PDE1A: variants seen among roughly 807,000 people sequenced by gnomAD.
PDE1A encodes dual specificity calcium/calmodulin-dependent 3',5'-cyclic nucleotide phosphodiesterase 1A.
PDE1A carries 35 observed loss-of-function variants against 61.7 expected under a neutral mutation model. The observed-to-expected ratio is 0.57, with a 90% CI of 0.43 to 0.75. The LOEUF is 0.75. Among genes scored for constraint, PDE1A ranks in the 30% least tolerant of loss-of-function variants. PDE1A has a pLI of 0.00. For synonymous variants in PDE1A, 232 were observed against 213.2 expected (o/e 1.09, Z -0.77); for missense variants, 597 against 630.6 (o/e 0.95, Z 0.57).
chr2:182,308,761 C>T (rs911825064), intron 1 of PDE1A, among the ~76,000 whole-genome samples: 3 of 151,930 alleles, frequency 2.0e-5, no homozygotes, highest in Non-Finnish European at 4.4e-5. Flanking sequence ...AATCCAAATA[C>T]TTTTTTATAT....
chr2:182,346,451 G>T (rs1037241989), intron 1 of PDE1A, among the ~76,000 whole-genome samples: 4 of 152,092 alleles, frequency 2.6e-5, no homozygotes, highest in African/African-American at 9.7e-5. Flanking sequence ...TAGAGAAGAT[G>T]AAGACAATAT....
chr2:182,257,479 C>T (rs1263964526), intron 2 of PDE1A, among the ~76,000 whole-genome samples: 2 of 152,140 alleles, frequency 1.3e-5, no homozygotes, highest in Non-Finnish European at 2.9e-5. Context: ...AGTAAGGGCT[C>T]TCCTTTGGCA....
intron 1 of PDE1A, among the ~76,000 whole-genome samples, chr2:182,411,775 T>G (rs1478725399): frequency 6.6e-6 from 1 of 152,082 alleles, no homozygotes; most frequent in Non-Finnish European, 1.5e-5. Context: ...CATCTTACAA[T>G]GAACAAAATG....
At chr2:182,411,890 TCTA>T (rs1219231641) in intron 1 of PDE1A, among the ~76,000 whole-genome samples, 2 of 151,958 alleles carry the variant, frequency 1.3e-5, no homozygotes, top group Non-Finnish European at 2.9e-5. Context: ...AAACCCCGTC[TCTA>T]CTAAAAATAC....
At chr2:182,476,825 T>TA in intron 2 of PDE1A, among the ~76,000 whole-genome samples, 1 of 149,666 alleles carries the variant, frequency 6.7e-6, no homozygotes, top group Non-Finnish European at 1.5e-5. Context: ...AAAAGACCAA[T>TA]AATAAAAGTG....
chr2:182,186,051 C>T (rs764692634), exon 13 of PDE1A: 20 of 1,613,884 alleles, frequency 1.2e-5, no homozygotes, highest in Non-Finnish European at 1.6e-5. Context: ...AGTGCATCAG[C>T]AATGTGTAAC....
the PDE1A span, among the ~76,000 whole-genome samples, chr2:182,620,278 G>T: frequency 1.3e-5 from 2 of 152,248 alleles, no homozygotes; most frequent in Non-Finnish European, 2.9e-5. Flanking sequence ...TCAGTTATTT[G>T]ATTTGTAAAG....
chr2:182,210,058 G>C (rs1407105307), intron 7 of PDE1A, among the ~76,000 whole-genome samples: 1 of 152,180 alleles, frequency 6.6e-6, no homozygotes, highest in Non-Finnish European at 1.5e-5. Flanking sequence ...AGGACATCTT[G>C]CTGGCTTCCA....
rs1010854018 is a variant in PDE1A, at chr2:182,449,108, C to G, written c.101+73168G>C. Among the ~76,000 whole-genome samples the G allele has an allele frequency of 2.0e-5, 3 of 146,816 alleles. No homozygotes were observed. In the South Asian group the frequency reaches 6.7e-4, roughly 33 times the overall value. ...CACAAACAAAACCCAGGAAATCCTTCTAAATCTTCTTAGGATAGTCTTGTC... is the reference window on the plus strand; with the variant it reads ...CACAAACAAAACCCAGGAAATCCTTGTAAATCTTCTTAGGATAGTCTTGTC... On this transcript the variant is annotated intron_variant, in intron 2 of 14. Coordinates refer to the PDE1A transcript ENST00000410103.
rs11420821 is a variant in PDE1A at position 182,295,057 on chromosome 2, C to CTTTTTTT, written c.54-30650_54-30644dup. Among the ~76,000 whole-genome samples the CTTTTTTT allele has an allele frequency of 1.7e-3, 99 of 59,368 alleles. 27 individuals are homozygous for CTTTTTTT. Among genetic ancestry groups the CTTTTTTT allele is most frequent in the South Asian group, 4.2e-3 (5 of 1,178 alleles). 38.9% of individuals were successfully genotyped at this position (59,368 alleles called of 152,430 possible). On this transcript the variant is annotated intron_variant, in intron 1 of 13. Transcript: ENST00000351439. The stretch of plus-strand genomic sequence containing the variant: ...ACGACCAATCAAAATAAAAGGTAAT[C>CTTTTTTT]TTTTTTTTTTTTTTTTTTTTTTTTT...
the PDE1A span, among the ~76,000 whole-genome samples, chr2:182,624,255 C>G: frequency 6.6e-6 from 1 of 152,006 alleles, no homozygotes; most frequent in Non-Finnish European, 1.5e-5. Flanking sequence ...ATTTAAAATA[C>G]GTAATAAGCC....
upstream of PDE1A, among the ~76,000 whole-genome samples, chr2:182,429,247 A>C (rs1703795270): frequency 6.6e-6 from 1 of 152,124 alleles, no homozygotes; most frequent in African/African-American, 2.4e-5. Flanking sequence ...AAGAACATTT[A>C]AATTTAACAT....
At chr2:182,340,792 T>C (rs1427837300) in intron 1 of PDE1A, among the ~76,000 whole-genome samples, 8 of 152,232 alleles carry the variant, frequency 5.3e-5, no homozygotes, top group Non-Finnish European at 7.3e-5. Context: ...GGATATATTG[T>C]AGAGAATTTC....
At chr2:182,298,421 A>C (rs833142) in intron 1 of PDE1A, among the ~76,000 whole-genome samples, 90,529 of 151,918 alleles carry the variant, frequency 0.6, 27,190 homozygotes, top group Middle Eastern at 0.73. Flanking sequence ...AGGCTAAAAC[A>C]GAACCAGTAA....
At chr2:182,246,401 C>CTTTTTTTTTTTTTTTTTTTTTTTTTTT (rs761118177) in intron 2 of PDE1A, among the ~76,000 whole-genome samples, 1 of 61,514 alleles carries the variant, frequency 1.6e-5, no homozygotes, top group Non-Finnish European at 2.9e-5. Flanking sequence ...TTTCTTTTTT[C>CTTTTTTTTTTTTTTTTTTTTTTTTTTT]TTTCTTTTTT....
chr2:182,224,492 C>T (rs534631155), intron 6 of PDE1A, among the ~76,000 whole-genome samples: 13 of 151,836 alleles, frequency 8.6e-5, no homozygotes, highest in African/African-American at 2.7e-4. Flanking sequence ...CTATTCATAA[C>T]ACATAAAAAT....
chr2:182,242,867 CCT>C (rs1385150808), intron 2 of PDE1A, among the ~76,000 whole-genome samples: 3 of 149,956 alleles, frequency 2.0e-5, no homozygotes, highest in African/African-American at 7.4e-5. Flanking sequence ...CTCTCTCTCT[CCT>C]CTCTCCTCTC....
intron 1 of PDE1A, among the ~76,000 whole-genome samples, chr2:182,333,520 C>G (rs113358389): frequency 1.2e-3 from 186 of 152,298 alleles, no homozygotes; most frequent in African/African-American, 4.4e-3. Context: ...TAAATAAGCT[C>G]TTTGAAACCA....
intron 10 of PDE1A, among the ~76,000 whole-genome samples, chr2:182,189,992 T>C (rs1489901593): frequency 6.6e-6 from 1 of 152,222 alleles, no homozygotes; most frequent in Non-Finnish European, 1.5e-5. Context: ...ATTAAGTCCA[T>C]AACTTAGGAT....
Sources: gnomAD v4.1 joint callset for allele counts (sites outside exome capture counted in the v4.1 genomes callset) on GRCh38, gnomAD v4.1.1 for gene constraint, MANE v1.5 for transcripts, NCBI Gene and HGNC (gene_info 2026-07-23, HGNC 2026-07-21) for gene names.